NR2F1-AS1: variants seen among roughly 807,000 people sequenced by gnomAD.
NR2F1-AS1 encodes the protein NR2F1 antisense RNA 1.
intron 4 of NR2F1-AS1, among the ~76,000 whole-genome samples, chr5:93,535,542 A>T (rs1240793735): frequency 4.0e-5 from 6 of 151,884 alleles, no homozygotes; most frequent in African/African-American, 1.4e-4. Flanking sequence ...AGATACTGAG[A>T]ACACAACAAA....
chr5:93,518,060 A>C (rs924918798), intron 4 of NR2F1-AS1, among the ~76,000 whole-genome samples: 2 of 152,080 alleles, frequency 1.3e-5, no homozygotes, highest in Admixed American at 1.3e-4. Flanking sequence ...CTCTTGAGTA[A>C]CTAGTACTAG....
At chr5:93,491,404 C>T (rs574125789) in intron 4 of NR2F1-AS1, among the ~76,000 whole-genome samples, 15 of 151,620 alleles carry the variant, frequency 9.9e-5, no homozygotes, top group South Asian at 2.1e-4. Context: ...TGGTGATGGC[C>T]GTGGTCCTAG....
At chr5:93,549,485 T>C (rs2149911281) in intron 4 of NR2F1-AS1, among the ~76,000 whole-genome samples, 1 of 152,320 alleles carries the variant, frequency 6.6e-6, no homozygotes, top group East Asian at 1.9e-4. Flanking sequence ...ATGGTCCTTA[T>C]ATACACAAAG....
intron 4 of NR2F1-AS1, among the ~76,000 whole-genome samples, chr5:93,440,180 GCT>G (rs759140588): frequency 6.7e-6 from 1 of 149,228 alleles, no homozygotes; most frequent in Non-Finnish European, 1.5e-5. Context: ...TCTCTCGCTC[GCT>G]CTCTCTCTCT....
chr5:93,470,213 T>G (rs1318029403), intron 4 of NR2F1-AS1, among the ~76,000 whole-genome samples: 1 of 151,956 alleles, frequency 6.6e-6, no homozygotes, highest in Non-Finnish European at 1.5e-5. Context: ...GTACCTAATA[T>G]ACTTAGAAAT....
At position 93,564,138 on chromosome 5, in the gene NR2F1-AS1, A is replaced by C. The variant is rs868722411; in HGVS notation, n.314-675T>G. On this transcript the variant is annotated intron_variant and non_coding_transcript_variant, in intron 1 of 5. Transcript: ENST00000660523. The stretch of plus-strand genomic sequence containing the variant: ...AAAAAAAAAAAAAAAAAAAAAAAAA[A>C]AAAAAAAAAAAACACACAACTACCT... Among the ~76,000 whole-genome samples, 27 of 125,452 alleles carry C rather than the reference A, an allele frequency of 2.2e-4. 1 individual carries two copies. Among genetic ancestry groups the C allele is most frequent in the African/African-American group, 9.3e-4 (25 of 26,940 alleles). The allele number at this position is 125,452 out of a possible 152,430, so 82.3% of individuals were successfully genotyped here.
upstream of NR2F1-AS1, chr5:93,585,265 A>G: frequency 6.3e-7 from 1 of 1,591,058 alleles, no homozygotes; most frequent in Non-Finnish European, 8.6e-7. Context: ...GGCCAGAGCC[A>G]GCAGCACATC....
chr5:93,585,317 C>T (rs375427215), upstream of NR2F1-AS1: 2 of 1,612,518 alleles, frequency 1.2e-6, no homozygotes, highest in Admixed American at 1.7e-5. Context: ...GCAAGCACTA[C>T]GGCCAATTCA....
At chr5:93,515,775 G>A (rs1486487256) in intron 4 of NR2F1-AS1, among the ~76,000 whole-genome samples, 1 of 151,820 alleles carries the variant, frequency 6.6e-6, no homozygotes, top group African/African-American at 2.4e-5. Flanking sequence ...AATGCCAGAA[G>A]ATCTTTCTCA....
chr5:93,582,017 CTCTCAATATCTCGCG>C (rs1753104184), upstream of NR2F1-AS1, among the ~76,000 whole-genome samples: 1 of 139,088 alleles, frequency 7.2e-6, no homozygotes. Flanking sequence ...CTCTCTCTCT[CTCTCAATATCTCGCG>C]CGCTCTCCTC....
intron 4 of NR2F1-AS1, among the ~76,000 whole-genome samples, chr5:93,513,766 C>A (rs60401249): frequency 0.02 from 2,987 of 152,090 alleles, 115 homozygotes; most frequent in African/African-American, 0.069. Context: ...ATGCAATAAA[C>A]CCAGGTAACA....
intron 2 of NR2F1-AS1, among the ~76,000 whole-genome samples, chr5:93,556,422 A>G (rs1161951995): frequency 6.6e-6 from 1 of 152,180 alleles, no homozygotes; most frequent in Admixed American, 6.5e-5. Flanking sequence ...GTATATAACC[A>G]CTACTAAAGA....
chr5:93,412,143 T>C (rs1448986993), intron 4 of NR2F1-AS1, among the ~76,000 whole-genome samples: 1 of 152,184 alleles, frequency 6.6e-6, no homozygotes, highest in East Asian at 1.9e-4. Flanking sequence ...GACAGGCATC[T>C]TTACAAGAAA....
chr5:93,505,754 G>A (rs953935034), intron 4 of NR2F1-AS1, among the ~76,000 whole-genome samples: 5 of 152,168 alleles, frequency 3.3e-5, no homozygotes, highest in African/African-American at 1.2e-4. Context: ...CACAGCATGG[G>A]GACCCTGGGC....
intron 4 of NR2F1-AS1, among the ~76,000 whole-genome samples, chr5:93,538,144 AAATGAATG>A (rs887565044): frequency 6.6e-6 from 1 of 152,144 alleles, no homozygotes. Flanking sequence ...ATGGGTTGGA[AAATGAATG>A]AATGAATGAA....
At chr5:93,507,978 T>C (rs1015117600) in intron 4 of NR2F1-AS1, among the ~76,000 whole-genome samples, 2 of 152,122 alleles carry the variant, frequency 1.3e-5, no homozygotes, top group African/African-American at 4.8e-5. Context: ...AATGGAAACT[T>C]AAATGAATGG....
intron 4 of NR2F1-AS1, among the ~76,000 whole-genome samples, chr5:93,444,527 G>C (rs60099908): frequency 0.017 from 2,514 of 152,192 alleles, 74 homozygotes; most frequent in African/African-American, 0.057. Flanking sequence ...GCACCCAACA[G>C]AGGAGCACCC....
At chr5:93,565,108 A>C (rs1368316361) in intron 1 of NR2F1-AS1, among the ~76,000 whole-genome samples, 4 of 152,194 alleles carry the variant, frequency 2.6e-5, no homozygotes, top group Non-Finnish European at 2.9e-5. Flanking sequence ...GACAACCTTA[A>C]TGGAAGTCAG....
chr5:93,480,911 A>G (rs1188780779), intron 4 of NR2F1-AS1, among the ~76,000 whole-genome samples: 2 of 152,080 alleles, frequency 1.3e-5, no homozygotes, highest in East Asian at 3.8e-4. Context: ...ATATTATTCT[A>G]AAAAATCCAA....
Sources: gnomAD v4.1 joint callset for allele counts (sites outside exome capture counted in the v4.1 genomes callset) on GRCh38, gnomAD v4.1.1 for gene constraint, MANE v1.5 for transcripts, NCBI Gene and HGNC (gene_info 2026-07-23, HGNC 2026-07-21) for gene names.